Variants in KNDC1 observed in about 807,000 individuals in gnomAD.
KNDC1 encodes the protein kinase non-catalytic C-lobe domain containing 1.
In KNDC1, 106 loss-of-function variants were observed where a neutral mutation model predicts 172.8. The ratio of observed to expected loss-of-function variants is 0.61; its 90% confidence interval spans 0.52 to 0.72. The LOEUF (loss-of-function observed/expected upper bound fraction) is 0.72, where lower values mean the gene tolerates loss of function less well. Ranked by LOEUF, KNDC1 falls within the 30% of genes least tolerant of loss-of-function variation. The pLI, the probability that KNDC1 is intolerant of heterozygous loss-of-function variation, is 0.00. For missense variants in KNDC1, 2,325 were observed against 2,394.5 expected (o/e 0.97, Z 0.61); for synonymous variants, 1,083 against 1,062.2 (o/e 1.02, Z -0.38).
chr10:133,203,250 C>G (rs1289176589), intron 17 of KNDC1, among the ~76,000 whole-genome samples: 4 of 137,990 alleles, frequency 2.9e-5, no homozygotes, highest in Non-Finnish European at 4.7e-5. Context: ...CCCAAACGCA[C>G]AGAGTCCAGC....
intron 3 of KNDC1, among the ~76,000 whole-genome samples, chr10:133,175,207 A>G (rs1853496444): frequency 3.3e-5 from 4 of 122,802 alleles, no homozygotes; most frequent in Non-Finnish European, 3.4e-5. Context: ...TGCATGGTGG[A>G]TATGTGGATG....
At position 133,198,507 on chromosome 10, in the gene KNDC1, T is replaced by A. The variant is rs1190409524; in HGVS notation, c.2069+8T>A. On this transcript the variant is annotated splice_region_variant and intron_variant, in intron 13 of 29. Transcript: ENST00000304613. ...GAACGCAAGTGTGGCCAGGTGAGCA[T>A]CGTCCCCACACCCCGGAGCTGCTGG... 3 of 1,597,024 alleles carry A rather than the reference T, an allele frequency of 1.9e-6. No individual in the cohort carries two copies. The highest frequency in any genetic ancestry group is 1.3e-5 in the African/African-American group (1 of 74,804).
chr10:133,225,847 T>G lies in KNDC1; in HGVS notation c.*957T>G, dbSNP rs1845708450. ...CGGCCCCTTGCCCTTGCTCAGGTTCTTGGACCCCAGGCAGCTGGTGTGGAG... is the reference window on the plus strand; with the variant it reads ...CGGCCCCTTGCCCTTGCTCAGGTTCGTGGACCCCAGGCAGCTGGTGTGGAG... On this transcript the variant is annotated 3_prime_UTR_variant, in exon 30 of 30. Coordinates refer to ENST00000304613, the MANE Select transcript of KNDC1 (RefSeq NM_152643.8). 6.6e-6 allele frequency: 1 copy of G among 152,506 alleles called. No individual in the cohort carries two copies. The highest frequency in any genetic ancestry group is 2.4e-5 in the African/African-American group (1 of 41,470). The allele number at this position is 152,506 out of a possible 1,614,324, so 9.4% of individuals were successfully genotyped here.
chr10:133,214,267 A>C, intron 26 of KNDC1, 145 bp downstream of exon 26: 1 of 858,844 alleles, frequency 1.2e-6, no homozygotes, highest in Non-Finnish European at 1.8e-6. Flanking sequence ...CACCCGACCC[A>C]AGGCTGAGGG....
In KNDC1 at chr10:133,219,892, C is replaced by T. The variant is rs1845546843; in HGVS notation, c.4861-63C>T. The T allele has an allele frequency of 4.8e-6, 7 of 1,473,438 alleles. No individual in the cohort carries two copies. The South Asian group carries it at 6.5e-5, about 14-fold the overall frequency. 91.3% of individuals were successfully genotyped at this position (1,473,438 alleles called of 1,614,324 possible). On this transcript the variant is annotated intron_variant, in intron 28 of 29. Transcript: ENST00000304613. ...ACTGGTTGGGCTGCGCTGGCCCCGG[C>T]TGAGGCTCCTGCACTGACCACGCCC...
chr10:133,212,644 C>A, intron 23 of KNDC1, 72 bp from the exon 24 acceptor site: 1 of 1,374,008 alleles, frequency 7.3e-7, no homozygotes. Context: ...ACCCCCCAAC[C>A]CTGCCTCCCT....
At chr10:133,173,153 T>C (rs1853426469) in intron 3 of KNDC1, among the ~76,000 whole-genome samples, 1 of 152,220 alleles carries the variant, frequency 6.6e-6, no homozygotes, top group African/African-American at 2.4e-5. Context: ...AATTCTCTGA[T>C]TGGACAGTTA....
chr10:133,169,684 A>G (rs938724530), intron 3 of KNDC1, among the ~76,000 whole-genome samples: 50 of 151,660 alleles, frequency 3.3e-4, no homozygotes, highest in African/African-American at 1.1e-3. Flanking sequence ...TGGCCGGGAC[A>G]TGGTGTGTGG....
intron 5 of KNDC1, among the ~76,000 whole-genome samples, chr10:133,185,238 ATAGGCAGTGTGTGCAGTGTAGAG>A (rs1853856968): frequency 2.0e-5 from 1 of 50,220 alleles, no homozygotes; most frequent in African/African-American, 6.5e-5. Context: ...GCAGTGTGGA[ATAGGCAGTGTGTGCAGTGTAGAG>A]TAGGCAGTGT....
At chr10:133,186,709 TCGGCGGTCAGTGAGTCCGGGGC>T in intron 6 of KNDC1, 35 bp downstream of exon 6, 1 of 1,496,048 alleles carries the variant, frequency 6.7e-7, no homozygotes, top group South Asian at 1.3e-5. Flanking sequence ...GGTGGAGGGG[TCGGCGGTCAGTGAGTCCGGGGC>T]CGGGCCTCTC....
At position 133,189,668 on chromosome 10, in the gene KNDC1, C is replaced by T. The variant is rs755288859; in HGVS notation, c.1512C>T (p.Asn504=). ...GAVLFQPPPA[N]GSYDSFFLAP... is the part of the protein sequence containing the mutation. ...TGCTCTTCCAGCCACCCCCTGCCAA[C>T]GGTGAGTGTGTGGGTTCCCCTCAGG... The change falls in exon 8 of 30, where the codon AAC becomes AAT. Residue 504 remains asparagine, a splice_region_variant and synonymous_variant. Transcript: ENST00000304613. 78 of 1,613,834 alleles carry T rather than the reference C, an allele frequency of 4.8e-5. No homozygotes were observed. In the Middle Eastern group the frequency reaches 8.2e-4, roughly 17 times the overall value.
intron 5 of KNDC1, among the ~76,000 whole-genome samples, 154 bp downstream of exon 5, chr10:133,184,143 ACACC>A (rs1853811951): frequency 6.8e-6 from 1 of 147,722 alleles, no homozygotes; most frequent in African/African-American, 2.5e-5. Context: ...CATGCCACAC[ACACC>A]CATGCACACA....
intron 3 of KNDC1, among the ~76,000 whole-genome samples, chr10:133,182,927 GGT>G (rs998476726): frequency 2.4e-4 from 2 of 8,416 alleles, no homozygotes; most frequent in Admixed American, 1.3e-3. Flanking sequence ...GGGCACGGAC[GGT>G]GTGGGCACAG....
chr10:133,197,580 C>T (rs1440021512), intron 11 of KNDC1, 95 bp from the exon 12 acceptor site: 17 of 919,720 alleles, frequency 1.8e-5, no homozygotes, highest in Non-Finnish European at 2.6e-5. Flanking sequence ...GGAAGCTCCA[C>T]GGCACCGGCG....
chr10:133,212,629 T>C, intron 23 of KNDC1, 87 bp from the exon 24 acceptor site: 1 of 1,171,068 alleles, frequency 8.5e-7, no homozygotes, highest in South Asian at 1.4e-5. Flanking sequence ...CCTGGCCTGG[T>C]CCTCACCCCC....
At position 133,210,639 on chromosome 10, in the gene KNDC1, CA is replaced by C; in HGVS notation, c.3825del (p.Gln1275HisfsTer27). 6.2e-7 allele frequency: 1 copy of C among 1,613,840 alleles called. No individual in the cohort carries two copies. The highest frequency in any genetic ancestry group is 8.5e-7 in the Non-Finnish European group (1 of 1,179,772). ...TGCCTTCCTGGAGGGTTATGTGCAG[CA>C]ATTCCTCTACACCTTCCGCTACTTC... Reference protein sequence around the residue: ...SDAFLEGYVQQFLYTFRYFCT... With the variant: ...SDAFLEGYVQXFLYTFRYFCT... On this transcript the variant is annotated frameshift_variant, in exon 21 of 30. Transcript: ENST00000304613. LOFTEE classifies it high-confidence loss of function.
chr10:133,182,107 C>T (rs1447595565), intron 3 of KNDC1, among the ~76,000 whole-genome samples: 1 of 152,104 alleles, frequency 6.6e-6, no homozygotes, highest in Non-Finnish European at 1.5e-5. Flanking sequence ...TGAGACAGAC[C>T]CTGACAGAGA....
At position 133,196,682 on chromosome 10, in the gene KNDC1, G is replaced by A. The variant is rs143569503; in HGVS notation, c.1735-376G>A. ...AACTACTGAGAGCTGGGGAAGCTGA[G>A]CTCAGTTCCCATGTGCACAAGGCCT... On this transcript the variant is annotated intron_variant, in intron 10 of 29. Transcript: ENST00000304613. 8.5e-3 allele frequency among the ~76,000 whole-genome samples: 1,290 copies of A among 152,328 alleles called. 9 individuals carry two copies. Among genetic ancestry groups the A allele is most frequent in the Non-Finnish European group, 0.011 (754 of 68,028 alleles).
rs768726235 is a variant in KNDC1 at position 133,206,947 on chromosome 10, T to C, written c.3573T>C (p.Tyr1191=). 3.1e-6 allele frequency: 5 copies of C among 1,613,898 alleles called. No homozygotes were observed. The highest frequency in any genetic ancestry group is 3.3e-5 in the Admixed American group (2 of 60,030). Residue 1191 remains tyrosine (Y), a synonymous_variant, in exon 19 of 30, where the codon TAT becomes TAC. Coordinates refer to ENST00000304613, the MANE Select transcript of KNDC1 (RefSeq NM_152643.8). ...AATTCCTCAGCTTGGTCAAGAAGTA[T>C]CTGCAGGCAAGTGGGCTCCGGGCCC... is the stretch of plus-strand genomic sequence containing the variant. ...RVQFLSLVKK[Y]LQVMYAERWG...
Sources: gnomAD v4.1 joint callset for allele counts (sites outside exome capture counted in the v4.1 genomes callset) on GRCh38, gnomAD v4.1.1 for gene constraint, MANE v1.5 for transcripts, NCBI Gene and HGNC (gene_info 2026-07-23, HGNC 2026-07-21) for gene names.